The following SPATA2L variants were observed in gnomAD, a reference collection of about 807,000 sequenced individuals.
SPATA2L encodes spermatogenesis associated 2 like.
Under a neutral mutation model 8.7 loss-of-function variants are expected in SPATA2L, and 5 were observed. The ratio of observed to expected loss-of-function variants is 0.57; its 90% CI spans 0.30 to 1.21. The LOEUF (loss-of-function observed/expected upper bound fraction) is 1.21, where lower values mean the gene tolerates loss of function less well. Among genes scored for constraint, SPATA2L ranks in the 50% most tolerant of loss-of-function variants. SPATA2L has a pLI of 0.07. For synonymous variants in SPATA2L, 358 were observed against 275.8 expected (o/e 1.30, Z -2.95); for missense variants, 671 against 591.0 (o/e 1.14, Z -1.40).
chr16:89,697,387 G>A lies in SPATA2L; in HGVS notation c.1222C>T (p.Gln408Ter). 1.9e-6 allele frequency: 3 copies of A among 1,590,458 alleles called. No individual in the cohort carries two copies. The highest frequency in any genetic ancestry group is 2.6e-6 in the Non-Finnish European group (3 of 1,168,330). ...LGDAQRRLWL[Q>*]RAQMDTLLYN... ...AGCAGAGTGTCCATCTGTGCACGCT[G>A]TAGCCACAAGCGCCGCTGGGCGTCG... Residue 408 changes from glutamine to a stop codon, truncating the protein, a stop_gained, in exon 3 of 3, where the codon CAG becomes TAG. Coordinates refer to ENST00000289805, the MANE Select transcript of SPATA2L (RefSeq NM_152339.4). LOFTEE classifies it high-confidence loss of function.
chr16:89,697,708 C>T lies in SPATA2L; in HGVS notation c.901G>A (p.Glu301Lys). The T allele has an allele frequency of 6.2e-7, 1 of 1,611,930 alleles. No homozygotes were observed. The highest frequency in any genetic ancestry group is 8.5e-7 in the Non-Finnish European group (1 of 1,179,444). ...PPYGALEEGL[E>K]PEPSAFSFLS... is the part of the protein sequence containing the mutation. The stretch of plus-strand genomic sequence containing the variant: ...AAGGAGAAGGCGGAAGGTTCAGGTT[C>T]CAGCCCCTCCTCCAAGGCCCCATAT... Residue 301 changes from glutamate to lysine, a missense_variant, in exon 3 of 3, where the codon GAA becomes AAA. Glu to Lys is a moderately conservative substitution (Grantham distance 56, BLOSUM62 1). Coordinates refer to ENST00000289805, the MANE Select transcript of SPATA2L (RefSeq NM_152339.4).
At chr16:89,698,495 T>G (rs1402809170) in intron 2 of SPATA2L, among the ~76,000 whole-genome samples, 190 bp from the exon 3 acceptor site, 1 of 136,302 alleles carries the variant, frequency 7.3e-6, no homozygotes, top group Admixed American at 7.3e-5. Flanking sequence ...TTTTTTTTTT[T>G]TTTTTTTTGA....
intron 2 of SPATA2L, among the ~76,000 whole-genome samples, chr16:89,698,553 T>G (rs1490404112): frequency 4.0e-5 from 5 of 126,460 alleles, no homozygotes. Context: ...TGGCTCCATC[T>G]CAGCTCACTG....
At chr16:89,699,587 T>C (rs1363320832) in intron 2 of SPATA2L, among the ~76,000 whole-genome samples, 2 of 151,192 alleles carry the variant, frequency 1.3e-5, no homozygotes, top group African/African-American at 4.9e-5. Flanking sequence ...AGTCTCACTC[T>C]GTCACCAGGA....
Position 89,697,126 on chromosome 16 carries a change from T to G in SPATA2L, c.*208A>C. On this transcript the variant is annotated 3_prime_UTR_variant, in exon 3 of 3. Transcript: ENST00000289805. The stretch of plus-strand genomic sequence containing the variant: ...GGGTGGGGAAATGTGGAAAGGCTCC[T>G]GCTGGCCGGCTTAGGCCTGCTGCCC... 3.6e-6 allele frequency: 5 copies of G among 1,378,296 alleles called. No individual in the cohort carries two copies. The highest frequency in any genetic ancestry group is 4.7e-6 in the Non-Finnish European group (5 of 1,068,230). The allele number at this position is 1,378,296 out of a possible 1,614,324, so 85.4% of individuals were successfully genotyped here. A position where few individuals can be genotyped will look rare whatever the true frequency, so the allele number is the denominator to read the frequency against.
rs964262503 is a variant in SPATA2L at position 89,697,162 on chromosome 16, C to T, written c.*172G>A. The T allele has an allele frequency of 7.2e-7, 1 of 1,381,814 alleles. No homozygotes were observed. Among genetic ancestry groups the T allele is most frequent in the Non-Finnish European group, 9.3e-7 (1 of 1,070,390 alleles). The allele number at this position is 1,381,814 out of a possible 1,614,324, so 85.6% of individuals were successfully genotyped here. On this transcript the variant is annotated 3_prime_UTR_variant, in exon 3 of 3. Coordinates refer to ENST00000289805, the MANE Select transcript of SPATA2L (RefSeq NM_152339.4). ...TTAGGCCTGCTGCCCTTGGAGCCTT[C>T]CATATACAGAGAGTCCCACCTCCAG... is the stretch of plus-strand genomic sequence containing the variant.
rs756002528 is a variant in SPATA2L at position 89,697,386 on chromosome 16, T to C, written c.1223A>G (p.Gln408Arg). Reference protein sequence around the residue: ...LGDAQRRLWLQRAQMDTLLYN... With the variant: ...LGDAQRRLWLRRAQMDTLLYN... Reference sequence around the variant, plus strand: ...GAGCAGAGTGTCCATCTGTGCACGCTGTAGCCACAAGCGCCGCTGGGCGTC... The same window carrying C: ...GAGCAGAGTGTCCATCTGTGCACGCCGTAGCCACAAGCGCCGCTGGGCGTC... The change falls in exon 3 of 3, where the codon CAG becomes CGG. Residue 408 changes from glutamine (Q) to arginine (R), a missense_variant. Transcript: ENST00000289805. The C allele has an allele frequency of 5.7e-6, 9 of 1,590,744 alleles. No individual in the cohort carries two copies. The highest frequency in any genetic ancestry group is 7.7e-6 in the Non-Finnish European group (9 of 1,168,286).
At position 89,696,782 on chromosome 16, in the gene SPATA2L, T is replaced by A; in HGVS notation, c.*552A>T. 6.5e-7 allele frequency: 1 copy of A among 1,533,602 alleles called. No individual in the cohort carries two copies. Among genetic ancestry groups the A allele is most frequent in the Non-Finnish European group, 8.7e-7 (1 of 1,145,344 alleles). The allele number at this position is 1,533,602 out of a possible 1,614,324, so 95.0% of individuals were successfully genotyped here. A position where few individuals can be genotyped will look rare whatever the true frequency, so the allele number is the denominator to read the frequency against. ...TTCCTGTCTGTGGGCCCAGCTGCTG[T>A]GACACCCAAGGGGAGGGCCGGCGTC... On this transcript the variant is annotated 3_prime_UTR_variant, in exon 3 of 3. Coordinates refer to ENST00000289805, the MANE Select transcript of SPATA2L (RefSeq NM_152339.4).
rs2060729758 is a variant in SPATA2L, at chr16:89,696,748, T to C, written c.*586A>G. ...GTGCACCTCCACATCTGGTTTGAGG[T>C]CAGGTCATTTCCTGTCTGTGGGCCC... On this transcript the variant is annotated 3_prime_UTR_variant, in exon 3 of 3. Transcript: ENST00000289805. The C allele has an allele frequency of 4.0e-6, 6 of 1,513,700 alleles. No homozygotes were observed. The highest frequency in any genetic ancestry group is 2.0e-5 in the Admixed American group (1 of 50,240). 93.8% of individuals were successfully genotyped at this position (1,513,700 alleles called of 1,614,324 possible).
Position 89,696,651 on chromosome 16 carries a change from G to A in SPATA2L, c.*683C>T, listed in dbSNP as rs979808729. ...CGCCGCCTGGGCGGGCTGTCCACAG[G>A]CCCTTCCGCCCAGCAGCAGTGACGC... On this transcript the variant is annotated 3_prime_UTR_variant, in exon 3 of 3. Coordinates refer to ENST00000289805, the MANE Select transcript of SPATA2L (RefSeq NM_152339.4). The A allele has an allele frequency of 1.5e-5, 14 of 906,980 alleles. No individual in the cohort carries two copies. Among genetic ancestry groups the A allele is most frequent in the Non-Finnish European group, 1.1e-5 (7 of 613,728 alleles). The allele number at this position is 906,980 out of a possible 1,614,324, so 56.2% of individuals were successfully genotyped here. A position where few individuals can be genotyped will look rare whatever the true frequency, so the allele number is the denominator to read the frequency against.
At chr16:89,698,474 CTTTTTTTTTTTTTTTT>C (rs61610413) in intron 2 of SPATA2L, among the ~76,000 whole-genome samples, 169 bp from the exon 3 acceptor site, 3 of 54,110 alleles carry the variant, frequency 5.5e-5, no homozygotes, top group African/African-American at 7.1e-5. Flanking sequence ...ATGATGATTT[CTTTTTTTTTTTTTTTT>C]TTTTTTTTTT....
At position 89,698,210 on chromosome 16, in the gene SPATA2L, GTC is replaced by G. The variant is rs2060750696; in HGVS notation, c.397_398del (p.Asp133GlnfsTer30). Reference sequence around the variant, plus strand: ...GGGCGGTCACCATGAGCCGATGGCTGTCTCTGCGTACGTAGCCCATCTTCTGG... The same window carrying G: ...GGGCGGTCACCATGAGCCGATGGCTGTCTGCGTACGTAGCCCATCTTCTGG... The part of the protein sequence containing the change: ...SFQKMGYVRR[D>X]SHRLMVTALP... On this transcript the variant is annotated frameshift_variant, in exon 3 of 3. Transcript: ENST00000289805. LOFTEE classifies it low-confidence loss of function (END_TRUNC). 2 of 1,613,036 alleles carry G rather than the reference GTC, an allele frequency of 1.2e-6. No individual in the cohort carries two copies. The highest frequency in any genetic ancestry group is 1.7e-6 in the Non-Finnish European group (2 of 1,179,836).
chr16:89,698,470 ATTTCTT>A (rs1439140862), intron 2 of SPATA2L, among the ~76,000 whole-genome samples, 165 bp from the exon 3 acceptor site: 3 of 91,296 alleles, frequency 3.3e-5, no homozygotes, highest in African/African-American at 8.2e-5. Flanking sequence ...AAACATGATG[ATTTCTT>A]TTTTTTTTTT....
At chr16:89,699,034 C>T (rs1011170106) in intron 2 of SPATA2L, among the ~76,000 whole-genome samples, 3 of 152,090 alleles carry the variant, frequency 2.0e-5, no homozygotes, top group African/African-American at 7.2e-5. Context: ...GATCCACCCA[C>T]CTTGGCCTCC....
rs1339374963 is a variant in SPATA2L at position 89,696,550 on chromosome 16, T to A, written c.*784A>T. The A allele has an allele frequency of 4.3e-6, 2 of 460,162 alleles. No individual in the cohort carries two copies. The highest frequency in any genetic ancestry group is 3.9e-6 in the Non-Finnish European group (1 of 258,362). The allele number at this position is 460,162 out of a possible 1,614,324, so 28.5% of individuals were successfully genotyped here. ...GACCCGAGGGTAGGGCAGAGGCACCTCCTCGCCAGCCTGTGGGCTGCACCC... is the reference window on the plus strand; with the variant it reads ...GACCCGAGGGTAGGGCAGAGGCACCACCTCGCCAGCCTGTGGGCTGCACCC... On this transcript the variant is annotated 3_prime_UTR_variant, in exon 3 of 3. Transcript: ENST00000289805.
intron 2 of SPATA2L, among the ~76,000 whole-genome samples, chr16:89,698,882 G>A (rs921969928): frequency 6.6e-6 from 1 of 151,198 alleles, no homozygotes; most frequent in African/African-American, 2.4e-5. Flanking sequence ...CCTCCTCCCG[G>A]GTTCAAGCGA....
chr16:89,701,393 G>A, intron 1 of SPATA2L, 160 bp from the exon 2 acceptor site: 2 of 642,792 alleles, frequency 3.1e-6, no homozygotes, highest in Non-Finnish European at 4.7e-6. Flanking sequence ...CCCCTACGCT[G>A]GAGACCTCGG....
chr16:89,696,691 G>T lies in SPATA2L; in HGVS notation c.*643C>A. Reference sequence around the variant, plus strand: ...AGCAGTGACGCTCAGGGCCTTCCCAGCTGTCAGCCACTGCCCGTTCCTGCG... The same window carrying T: ...AGCAGTGACGCTCAGGGCCTTCCCATCTGTCAGCCACTGCCCGTTCCTGCG... On this transcript the variant is annotated 3_prime_UTR_variant, in exon 3 of 3. Transcript: ENST00000289805. The T allele has an allele frequency of 8.0e-7, 1 of 1,249,738 alleles. No individual in the cohort carries two copies. The highest frequency in any genetic ancestry group is 1.1e-6 in the Non-Finnish European group (1 of 907,342). 77.4% of individuals were successfully genotyped at this position (1,249,738 alleles called of 1,614,324 possible). A position where few individuals can be genotyped will look rare whatever the true frequency, so the allele number is the denominator to read the frequency against.
At chr16:89,699,385 C>G (rs977364130) in intron 2 of SPATA2L, among the ~76,000 whole-genome samples, 2 of 152,048 alleles carry the variant, frequency 1.3e-5, no homozygotes, top group African/African-American at 4.8e-5. Flanking sequence ...TTGTTCTGAA[C>G]TTTGTTTTTT....
Sources: gnomAD v4.1 joint callset for allele counts (sites outside exome capture counted in the v4.1 genomes callset) on GRCh38, gnomAD v4.1.1 for gene constraint, MANE v1.5 for transcripts, NCBI Gene and HGNC (gene_info 2026-07-23, HGNC 2026-07-21) for gene names.